Variants in CLDN10 observed in about 807,000 individuals in gnomAD.
CLDN10 encodes the protein claudin-10.
Under a neutral mutation model 22.9 loss-of-function variants are expected in CLDN10, and 15 were observed. The observed-to-expected ratio is 0.65, with a 90% CI of 0.44 to 1.01. The LOEUF is 1.01. Ranked by LOEUF, CLDN10 falls within the 50% of genes least tolerant of loss-of-function variation. The probability of loss-of-function intolerance (pLI) is 0.00; values close to 1 mark genes in which losing one functional copy is unlikely to be tolerated. For synonymous variants in CLDN10, 114 were observed against 111.4 expected (o/e 1.02, Z -0.15); for missense variants, 247 against 287.8 (o/e 0.86, Z 1.03).
At chr13:95,561,448 C>T (rs913343969) in intron 3 of CLDN10, among the ~76,000 whole-genome samples, 2 of 152,106 alleles carry the variant, frequency 1.3e-5, no homozygotes, top group African/African-American at 2.4e-5. Flanking sequence ...TAATAGCTAG[C>T]GCATGTTGAG....
intron 1 of CLDN10, among the ~76,000 whole-genome samples, chr13:95,517,250 A>C (rs2043178642): frequency 6.6e-6 from 1 of 150,672 alleles, no homozygotes; most frequent in Non-Finnish European, 1.5e-5. Context: ...TTCCATGGCC[A>C]TTTACTGAGC....
chr13:95,514,486 G>A (rs1245652751), intron 1 of CLDN10, among the ~76,000 whole-genome samples: 1 of 143,822 alleles, frequency 7.0e-6, no homozygotes, highest in African/African-American at 2.6e-5. Context: ...CTTTTATGTA[G>A]AGGGTGGGTG....
chr13:95,543,372 G>C (rs1296318020), intron 1 of CLDN10, among the ~76,000 whole-genome samples: 1 of 152,144 alleles, frequency 6.6e-6, no homozygotes, highest in African/African-American at 2.4e-5. Context: ...ATACCACTTA[G>C]GGCTTAGCTT....
chr13:95,568,420 T>C (rs555782086), intron 3 of CLDN10, among the ~76,000 whole-genome samples: 1 of 152,176 alleles, frequency 6.6e-6, no homozygotes, highest in Non-Finnish European at 1.5e-5. Flanking sequence ...CGCTCTCTTT[T>C]GTTTTTGCTG....
At chr13:95,541,340 T>G (rs1392122354) in intron 1 of CLDN10, among the ~76,000 whole-genome samples, 1 of 152,188 alleles carries the variant, frequency 6.6e-6, no homozygotes, top group Non-Finnish European at 1.5e-5. Context: ...CTGGGGCAGC[T>G]GGGGCAAGTA....
intron 1 of CLDN10, among the ~76,000 whole-genome samples, chr13:95,436,522 T>C (rs1366284898): frequency 6.6e-6 from 1 of 152,180 alleles, no homozygotes; most frequent in Non-Finnish European, 1.5e-5. Context: ...TTATTGATTG[T>C]AAAAATAATT....
At chr13:95,571,942 A>G (rs188677862) in intron 3 of CLDN10, among the ~76,000 whole-genome samples, 2 of 152,320 alleles carry the variant, frequency 1.3e-5, no homozygotes, top group African/African-American at 2.4e-5. Context: ...AAAAGACACA[A>G]TATTGAAGGA....
intron 1 of CLDN10, among the ~76,000 whole-genome samples, chr13:95,490,961 T>A (rs2042866616): frequency 1.3e-5 from 2 of 152,200 alleles, no homozygotes; most frequent in Non-Finnish European, 2.9e-5. Flanking sequence ...CATATATGTT[T>A]AGGATTGTGA....
chr13:95,525,541 G>A (rs906633785), intron 1 of CLDN10, among the ~76,000 whole-genome samples: 5 of 152,074 alleles, frequency 3.3e-5, no homozygotes, highest in African/African-American at 1.2e-4. Flanking sequence ...CGCCCAGGCT[G>A]GAGTACAGTG....
At chr13:95,484,882 A>AAAAAAAG (rs1566295081) in intron 1 of CLDN10, among the ~76,000 whole-genome samples, 8 of 147,540 alleles carry the variant, frequency 5.4e-5, no homozygotes, top group South Asian at 2.1e-4. Context: ...AAAAAAAAAA[A>AAAAAAAG]AAAAAAAAAA....
intron 1 of CLDN10, among the ~76,000 whole-genome samples, chr13:95,489,004 T>G (rs1234265873): frequency 2.0e-4 from 29 of 141,772 alleles, no homozygotes; most frequent in African/African-American, 7.6e-4. Flanking sequence ...CAGGCTAGAG[T>G]GCAATGGCAT....
chr13:95,566,716 T>C (rs2043792306), intron 3 of CLDN10, among the ~76,000 whole-genome samples: 1 of 152,230 alleles, frequency 6.6e-6, no homozygotes, highest in African/African-American at 2.4e-5. Flanking sequence ...TCCTGAATGG[T>C]ATTGCCTAGG....
chr13:95,572,110 T>C lies in CLDN10; in HGVS notation c.465-5121T>C, dbSNP rs1420153956. ...CTTTTTCAGCTCCAACATGCCCTGATTTTAATTGGTATCCTCACCTCTTTT... is the reference window on the plus strand; with the variant it reads ...CTTTTTCAGCTCCAACATGCCCTGACTTTAATTGGTATCCTCACCTCTTTT... On this transcript the variant is annotated intron_variant, in intron 3 of 4. Transcript: ENST00000299339. 2.6e-5 allele frequency among the ~76,000 whole-genome samples: 4 copies of C among 152,126 alleles called. No homozygotes were observed. The East Asian group carries it at 7.7e-4, about 29-fold the overall frequency.
chr13:95,507,401 A>G (rs1285430996), intron 1 of CLDN10, among the ~76,000 whole-genome samples: 1 of 152,180 alleles, frequency 6.6e-6, no homozygotes, highest in Non-Finnish European at 1.5e-5. Context: ...CATGTATGTT[A>G]TTTGAACCTC....
chr13:95,464,916 G>A (rs879845471), intron 1 of CLDN10, among the ~76,000 whole-genome samples: 1 of 151,986 alleles, frequency 6.6e-6, no homozygotes, highest in African/African-American at 2.4e-5. Context: ...TTGTAGAGAT[G>A]ATGTTTCACC....
intron 1 of CLDN10, among the ~76,000 whole-genome samples, chr13:95,500,283 T>TGAGGC (rs2042971690): frequency 6.6e-6 from 1 of 151,330 alleles, no homozygotes; most frequent in Non-Finnish European, 1.5e-5. Context: ...TGCATGCGAG[T>TGAGGC]GAGGCGGGGT....
intron 1 of CLDN10, among the ~76,000 whole-genome samples, chr13:95,488,950 CTTTT>C (rs58919737): frequency 3.3e-4 from 36 of 110,740 alleles, no homozygotes; most frequent in Admixed American, 1.0e-3. Context: ...ACTTTTTGTT[CTTTT>C]TTTTTTTTTT....
exon 1 of CLDN10, chr13:95,433,957 T>A (rs1379745136): frequency 6.2e-7 from 1 of 1,614,238 alleles, no homozygotes; most frequent in East Asian, 2.2e-5. Context: ...AACAGCCACT[T>A]GGGTTTACCA....
intron 1 of CLDN10, among the ~76,000 whole-genome samples, chr13:95,449,937 G>A (rs1269701774): frequency 1.3e-5 from 2 of 151,596 alleles, no homozygotes; most frequent in Non-Finnish European, 2.9e-5. Context: ...TAGAGACGGG[G>A]TTTCACCGTG....
Sources: gnomAD v4.1 joint callset for allele counts (sites outside exome capture counted in the v4.1 genomes callset) on GRCh38, gnomAD v4.1.1 for gene constraint, MANE v1.5 for transcripts, NCBI Gene and HGNC (gene_info 2026-07-23, HGNC 2026-07-21) for gene names.